CSRNP3: variants seen among roughly 807,000 people sequenced by gnomAD.
CSRNP3 encodes cysteine/serine-rich nuclear protein 3.
In CSRNP3, 12 loss-of-function variants were observed where a neutral mutation model predicts 48.0. That is an observed-to-expected ratio of 0.25 (90% CI 0.16 to 0.41). The LOEUF is 0.41. Ranked by LOEUF, CSRNP3 falls within the 10% of genes least tolerant of loss-of-function variation. The pLI is 1.00. For synonymous variants in CSRNP3, 263 were observed against 269.7 expected, an observed-to-expected ratio of 0.98 and a Z score of 0.24; for missense variants, 580 against 724.4, an observed-to-expected ratio of 0.80 and a Z score of 2.29.
At chr2:165,585,629 A>T (rs902286999) in intron 3 of CSRNP3, among the ~76,000 whole-genome samples, 3 of 152,218 alleles carry the variant, frequency 2.0e-5, no homozygotes, top group African/African-American at 4.8e-5. Context: ...ATAGAACTTT[A>T]TCATAGTTTC....
intron 3 of CSRNP3, among the ~76,000 whole-genome samples, chr2:165,552,168 A>AC (rs1685104363): frequency 1.3e-5 from 2 of 152,230 alleles, no homozygotes; most frequent in African/African-American, 4.8e-5. Context: ...AGTGTGGCTC[A>AC]AGTGGAAATT....
chr2:165,557,873 T>C (rs529435639), intron 3 of CSRNP3, among the ~76,000 whole-genome samples: 3 of 152,342 alleles, frequency 2.0e-5, no homozygotes, highest in African/African-American at 4.8e-5. Flanking sequence ...TAAAGTTTGA[T>C]GTTATGTTTA....
At chr2:165,539,590 A>T (rs1684926702) in intron 3 of CSRNP3, among the ~76,000 whole-genome samples, 1 of 152,020 alleles carries the variant, frequency 6.6e-6, no homozygotes, top group Non-Finnish European at 1.5e-5. Flanking sequence ...TGAACAGCTG[A>T]TGTATAAAAA....
At chr2:165,592,902 C>T (rs1017660491) in intron 3 of CSRNP3, among the ~76,000 whole-genome samples, 39 of 148,346 alleles carry the variant, frequency 2.6e-4, no homozygotes, top group Admixed American at 1.2e-3. Flanking sequence ...CCCGGGTTCA[C>T]GCCATTCTCC....
chr2:165,634,762 T>G (rs576217968), intron 4 of CSRNP3, among the ~76,000 whole-genome samples: 18 of 152,354 alleles, frequency 1.2e-4, no homozygotes, highest in South Asian at 1.0e-3. Context: ...GAAACCTACC[T>G]GGAGGTGACA....
chr2:165,604,879 G>A (rs1030474289), intron 4 of CSRNP3, among the ~76,000 whole-genome samples: 3 of 152,124 alleles, frequency 2.0e-5, no homozygotes, highest in African/African-American at 7.2e-5. Context: ...CTTAAAAATA[G>A]TAACATTTGA....
intron 3 of CSRNP3, among the ~76,000 whole-genome samples, chr2:165,529,798 A>G (rs1378103595): frequency 6.6e-6 from 1 of 152,204 alleles, no homozygotes; most frequent in South Asian, 2.1e-4. Context: ...GACTTTGTTG[A>G]ATTTAACCAA....
intron 3 of CSRNP3, among the ~76,000 whole-genome samples, chr2:165,557,311 C>A (rs773471484): frequency 6.6e-6 from 1 of 152,184 alleles, no homozygotes; most frequent in African/African-American, 2.4e-5. Flanking sequence ...CGCATTAAAA[C>A]AACGGAGTTG....
intron 3 of CSRNP3, among the ~76,000 whole-genome samples, chr2:165,552,451 G>T (rs1034730456): frequency 6.6e-6 from 1 of 152,156 alleles, no homozygotes; most frequent in Non-Finnish European, 1.5e-5. Context: ...TTAGGCGATT[G>T]TCAACTGTGG....
At chr2:165,642,612 G>A (rs1032706702) in intron 4 of CSRNP3, among the ~76,000 whole-genome samples, 1 of 150,950 alleles carries the variant, frequency 6.6e-6, no homozygotes, top group Non-Finnish European at 1.5e-5. Context: ...GCCCAGGCTG[G>A]AGTGCAATGG....
At chr2:165,538,284 A>T (rs996282243) in intron 3 of CSRNP3, among the ~76,000 whole-genome samples, 2 of 151,964 alleles carry the variant, frequency 1.3e-5, no homozygotes, top group African/African-American at 4.8e-5. Context: ...ACTACTACAT[A>T]CCACCCTGTC....
chr2:165,616,384 T>C (rs1686243897), intron 4 of CSRNP3, among the ~76,000 whole-genome samples: 1 of 152,224 alleles, frequency 6.6e-6, no homozygotes, highest in Non-Finnish European at 1.5e-5. Context: ...TTTATGTATT[T>C]TTATGATGGT....
chr2:165,527,964 A>G (rs1239958722), intron 3 of CSRNP3, among the ~76,000 whole-genome samples: 3 of 151,996 alleles, frequency 2.0e-5, no homozygotes, highest in Admixed American at 6.6e-5. Flanking sequence ...AGAAAGAGAA[A>G]AAAGAGAGAG....
At chr2:165,665,300 T>A (rs1190594462) in intron 5 of CSRNP3, among the ~76,000 whole-genome samples, 4 of 152,164 alleles carry the variant, frequency 2.6e-5, no homozygotes, top group African/African-American at 9.7e-5. Context: ...TGAGCATCAC[T>A]GGTATTAGAG....
At chr2:165,579,540 T>C (rs1244399724) in intron 3 of CSRNP3, among the ~76,000 whole-genome samples, 1 of 152,186 alleles carries the variant, frequency 6.6e-6, no homozygotes, top group Non-Finnish European at 1.5e-5. Flanking sequence ...TTCTATCTCA[T>C]CTATAGACTA....
intron 1 of CSRNP3, among the ~76,000 whole-genome samples, chr2:165,477,593 C>A (rs1683981673): frequency 6.7e-6 from 1 of 149,008 alleles, no homozygotes; most frequent in African/African-American, 2.5e-5. Context: ...CGCTTGAACC[C>A]GGGAGGCGGA....
rs1687562354 is a variant in CSRNP3, at chr2:165,682,395, A to G, written c.*2642A>G. ...CCTGTAAACATATCCCACAAACCAC[A>G]TACACAGGCTACCTATTAAAACTCT... is the stretch of plus-strand genomic sequence containing the variant. On this transcript the variant is annotated 3_prime_UTR_variant, in exon 7 of 7. Coordinates refer to ENST00000651982, the MANE Select transcript of CSRNP3 (RefSeq NM_001172173.2). The G allele has an allele frequency of 6.6e-6, 1 of 152,128 alleles. No homozygotes were observed. Among genetic ancestry groups the G allele is most frequent in the Admixed American group, 6.6e-5 (1 of 15,248 alleles). 9.4% of individuals were successfully genotyped at this position (152,128 alleles called of 1,614,324 possible).
intron 3 of CSRNP3, among the ~76,000 whole-genome samples, chr2:165,590,639 C>A (rs1276017116): frequency 6.6e-6 from 1 of 152,112 alleles, no homozygotes; most frequent in Non-Finnish European, 1.5e-5. Flanking sequence ...TACCTTCATG[C>A]TGTTCTTGTG....
At chr2:165,595,508 G>A (rs948500554) in intron 4 of CSRNP3, among the ~76,000 whole-genome samples, 1 of 152,058 alleles carries the variant, frequency 6.6e-6, no homozygotes, top group Non-Finnish European at 1.5e-5. Context: ...ATAGATGAGG[G>A]AAGACAAAGA....
Sources: gnomAD v4.1 joint callset for allele counts (sites outside exome capture counted in the v4.1 genomes callset) on GRCh38, gnomAD v4.1.1 for gene constraint, MANE v1.5 for transcripts, NCBI Gene and HGNC (gene_info 2026-07-23, HGNC 2026-07-21) for gene names.